Variants in PROS1 observed in about 807,000 individuals in gnomAD.
The protein encoded by PROS1 is protein S, also known as vitamin K-dependent protein S.
Under a neutral mutation model 75.9 loss-of-function variants are expected in PROS1, and 29 were observed. The observed-to-expected ratio is 0.38, with a 90% confidence interval of 0.28 to 0.52. The LOEUF (loss-of-function observed/expected upper bound fraction) is 0.52, where lower values mean the gene tolerates loss of function less well. Among genes scored for constraint, PROS1 ranks in the 20% least tolerant of loss-of-function variants. PROS1 has a pLI of 0.83. For synonymous variants in PROS1, 245 were observed against 280.6 expected, an observed-to-expected ratio of 0.87 and a Z score of 1.27; for missense variants, 680 against 810.3, an observed-to-expected ratio of 0.84 and a Z score of 1.95.
At position 93,925,564 on chromosome 3, in the gene PROS1, C is replaced by A. The variant is rs1244593362; in HGVS notation, c.235-1300G>T. Among the ~76,000 whole-genome samples, 3 of 151,954 alleles carry A rather than the reference C, an allele frequency of 2.0e-5. 1 individual carries two copies. Among genetic ancestry groups the A allele is most frequent in the Admixed American group, 2.0e-4 (3 of 15,262 alleles). On this transcript the variant is annotated intron_variant, in intron 2 of 14. Transcript: ENST00000394236. ...TTTGGTGGGGGTGGGGCAGAGGGAT[C>A]ACTGTGGTCACACGTGTAATCCTAG...
chr3:93,917,068 G>A (rs1708866042), intron 3 of PROS1, among the ~76,000 whole-genome samples: 1 of 152,152 alleles, frequency 6.6e-6, no homozygotes, highest in African/African-American at 2.4e-5. Context: ...AAGGCTGAAT[G>A]TTTGCTTGTT....
chr3:93,884,666 G>C (rs1708320891), intron 12 of PROS1, 62 bp downstream of exon 12: 1 of 1,486,138 alleles, frequency 6.7e-7, no homozygotes, highest in Non-Finnish European at 9.4e-7. Flanking sequence ...AATTATTACT[G>C]TTTGTTAATG....
chr3:93,956,418 G>A (rs1399380707), intron 1 of PROS1, among the ~76,000 whole-genome samples: 1 of 151,954 alleles, frequency 6.6e-6, no homozygotes, highest in African/African-American at 2.4e-5. Flanking sequence ...GATTGCCTAA[G>A]CCTGGGAGGC....
rs138546241 is a variant in PROS1 at position 93,873,865 on chromosome 3, T to A, written c.*380A>T. Reference sequence around the variant, plus strand: ...TAGTATCTGCCTATGATTAATAGTATTTAATTACACGCACTTTTGTTTGAG... The same window carrying A: ...TAGTATCTGCCTATGATTAATAGTAATTAATTACACGCACTTTTGTTTGAG... On this transcript the variant is annotated 3_prime_UTR_variant, in exon 15 of 15. Transcript: ENST00000394236. 362 of 244,816 alleles carry A rather than the reference T, an allele frequency of 1.5e-3. 3 individuals are homozygous for A. The highest frequency in any genetic ancestry group is 4.2e-3 in the Admixed American group (80 of 19,210). 15.2% of individuals were successfully genotyped at this position (244,816 alleles called of 1,614,324 possible).
chr3:93,949,698 T>C (rs1709462140), intron 1 of PROS1, among the ~76,000 whole-genome samples: 1 of 152,056 alleles, frequency 6.6e-6, no homozygotes. Flanking sequence ...TTTTAAGAAG[T>C]TGAAAGAAAC....
chr3:93,890,176 TAGGGTGGGGAAAAAA>T (rs1459587553), intron 10 of PROS1, among the ~76,000 whole-genome samples: 1 of 152,136 alleles, frequency 6.6e-6, no homozygotes, highest in Non-Finnish European at 1.5e-5. Context: ...TCAGGCTTAT[TAGGGTGGGGAAAAAA>T]CCCCACCCTG....
At chr3:93,955,534 G>A (rs754296404) in intron 1 of PROS1, among the ~76,000 whole-genome samples, 1 of 151,898 alleles carries the variant, frequency 6.6e-6, no homozygotes, top group African/African-American at 2.4e-5. Flanking sequence ...AATGAGAACA[G>A]TTGGACACGG....
intron 4 of PROS1, among the ~76,000 whole-genome samples, chr3:93,908,545 A>T (rs1708710230): frequency 6.6e-6 from 1 of 152,174 alleles, no homozygotes; most frequent in African/African-American, 2.4e-5. Context: ...AAAGAGAAAG[A>T]GTCTCCAGAG....
intron 1 of PROS1, among the ~76,000 whole-genome samples, chr3:93,945,093 T>A (rs1353785310): frequency 1.3e-5 from 2 of 151,912 alleles, no homozygotes; most frequent in Non-Finnish European, 2.9e-5. Flanking sequence ...CTGGGACACA[T>A]GCACCCTCCC....
intron 1 of PROS1, among the ~76,000 whole-genome samples, chr3:93,931,178 T>C (rs992720131): frequency 1.3e-5 from 2 of 152,148 alleles, no homozygotes; most frequent in Non-Finnish European, 2.9e-5. Flanking sequence ...ATTGAAGAAA[T>C]TGAAGCTGAG....
intron 9 of PROS1, among the ~76,000 whole-genome samples, chr3:93,896,255 A>G (rs1420496672): frequency 6.6e-6 from 1 of 152,168 alleles, no homozygotes; most frequent in South Asian, 2.1e-4. Flanking sequence ...GTAAAGAATA[A>G]TGGAAATTTC....
At chr3:93,903,312 A>C (rs1366642664) in intron 6 of PROS1, among the ~76,000 whole-genome samples, 1 of 152,214 alleles carries the variant, frequency 6.6e-6, no homozygotes, top group Non-Finnish European at 1.5e-5. Flanking sequence ...AATCATTTAC[A>C]CATATATATG....
chr3:93,948,356 A>T (rs1709438953), intron 1 of PROS1, among the ~76,000 whole-genome samples: 2 of 152,122 alleles, frequency 1.3e-5, no homozygotes, highest in South Asian at 4.1e-4. Context: ...TATAAGTGCA[A>T]TGTGGTGCTG....
chr3:93,969,122 CTTTTTTT>C (rs773990991), intron 1 of PROS1, among the ~76,000 whole-genome samples: 18 of 114,350 alleles, frequency 1.6e-4, no homozygotes, highest in South Asian at 6.0e-4. Flanking sequence ...CTTTTGTTTT[CTTTTTTT>C]TTTTTTTTTT....
intron 10 of PROS1, among the ~76,000 whole-genome samples, chr3:93,887,584 AAATT>A (rs1421621264): frequency 6.6e-6 from 1 of 152,220 alleles, no homozygotes; most frequent in Non-Finnish European, 1.5e-5. Context: ...AACATAAAAT[AAATT>A]TAGTTACACA....
chr3:93,914,565 C>G (rs1708811069), intron 3 of PROS1, among the ~76,000 whole-genome samples: 1 of 152,188 alleles, frequency 6.6e-6, no homozygotes, highest in Admixed American at 6.5e-5. Flanking sequence ...CAAGGTCTTG[C>G]TCTGGGCCAG....
At chr3:93,953,312 T>C (rs1279227634) in intron 1 of PROS1, among the ~76,000 whole-genome samples, 1 of 152,152 alleles carries the variant, frequency 6.6e-6, no homozygotes, top group African/African-American at 2.4e-5. Flanking sequence ...CTGATGAACA[T>C]TGATGCAAAA....
chr3:93,892,111 C>T lies in PROS1; in HGVS notation c.1155+822G>A, dbSNP rs1446453478. Among the ~76,000 whole-genome samples the T allele has an allele frequency of 3.3e-5, 5 of 152,076 alleles. No individual in the cohort carries two copies. The East Asian group carries it at 9.7e-4, about 29-fold the overall frequency. Reference sequence around the variant, plus strand: ...TTGGGAGGCCGAAGTGGGTGAATAGCTTGAGCCCAGGAGTTTGAGACCAGC... The same window carrying T: ...TTGGGAGGCCGAAGTGGGTGAATAGTTTGAGCCCAGGAGTTTGAGACCAGC... On this transcript the variant is annotated intron_variant, in intron 10 of 14. Coordinates refer to ENST00000394236, the MANE Select transcript of PROS1 (RefSeq NM_000313.4).
At chr3:93,960,529 GCT>G (rs1682714984) in intron 1 of PROS1, among the ~76,000 whole-genome samples, 2 of 107,036 alleles carry the variant, frequency 1.9e-5, no homozygotes, top group South Asian at 6.0e-4. Context: ...CACCTCCATT[GCT>G]CTTTTTTTTT....
Sources: allele counts gnomAD v4.1 joint callset (sites outside exome capture counted in the v4.1 genomes callset), GRCh38; gene constraint gnomAD v4.1.1; transcripts MANE v1.5; gene names NCBI Gene and HGNC (gene_info 2026-07-23, HGNC 2026-07-21).